The following PAM variants were observed in gnomAD, a reference collection of about 807,000 sequenced individuals.
PAM encodes peptidyl-glycine alpha-amidating monooxygenase.
PAM carries 72 observed loss-of-function variants against 122.1 expected under a neutral mutation model. That is an observed-to-expected ratio of 0.59 (90% CI 0.49 to 0.72). The LOEUF is 0.72. Among genes scored for constraint, PAM ranks in the 30% least tolerant of loss-of-function variants. The pLI, the probability that PAM is intolerant of heterozygous loss-of-function variation, is 0.00. For missense variants in PAM, 1,106 were observed against 1,183.7 expected (o/e 0.93, Z 0.96); for synonymous variants, 389 against 404.4 (o/e 0.96, Z 0.46).
chr5:102,992,694 G>A (rs1390427604), intron 16 of PAM, among the ~76,000 whole-genome samples: 1 of 151,982 alleles, frequency 6.6e-6, no homozygotes, highest in Non-Finnish European at 1.5e-5. Context: ...TACAGGTGAG[G>A]GACAATACAA....
At chr5:103,010,577 C>A (rs1177779254) in intron 21 of PAM, among the ~76,000 whole-genome samples, 1 of 152,056 alleles carries the variant, frequency 6.6e-6, no homozygotes, top group African/African-American at 2.4e-5. Flanking sequence ...ATTCAGCCTG[C>A]TAAAATGCTA....
rs754559996 is a variant in PAM, at chr5:102,942,736, A to AT, written c.527-4086dup. On this transcript the variant is annotated intron_variant, in intron 7 of 25. Transcript: ENST00000438793. ...AGTCACACGCCAGCATGCCCGGCTA[A>AT]TTTTTTTTTTTTTTTGTAGAAATGC... 4.5e-3 allele frequency among the ~76,000 whole-genome samples: 624 copies of AT among 138,422 alleles called. 5 individuals are homozygous for AT. Among genetic ancestry groups the AT allele is most frequent in the Admixed American group, 6.9e-3 (96 of 13,826 alleles). 90.8% of individuals were successfully genotyped at this position (138,422 alleles called of 152,430 possible).
intron 1 of PAM, among the ~76,000 whole-genome samples, chr5:102,782,968 C>T (rs1255419995): frequency 6.6e-6 from 1 of 151,762 alleles, no homozygotes; most frequent in Non-Finnish European, 1.5e-5. Context: ...GGCAGTACCA[C>T]TTTTACACTT....
intron 3 of PAM, among the ~76,000 whole-genome samples, chr5:102,899,520 C>A (rs918074048): frequency 6.6e-6 from 1 of 151,586 alleles, no homozygotes; most frequent in Non-Finnish European, 1.5e-5. Context: ...ACCTTTTGAT[C>A]CTTTTTCATT....
chr5:102,796,688 A>G (rs536302948), intron 1 of PAM, among the ~76,000 whole-genome samples: 230 of 152,298 alleles, frequency 1.5e-3, no homozygotes, highest in Non-Finnish European at 2.5e-3. Flanking sequence ...CATCACATTC[A>G]GAAGCTCACA....
chr5:102,911,300 T>A (rs575437192), intron 4 of PAM, among the ~76,000 whole-genome samples: 1 of 152,038 alleles, frequency 6.6e-6, no homozygotes, highest in South Asian at 2.1e-4. Flanking sequence ...TTAAATTAGA[T>A]CTGGAGTTTC....
intron 7 of PAM, among the ~76,000 whole-genome samples, chr5:102,933,721 A>G (rs868066403): frequency 6.6e-6 from 1 of 152,330 alleles, no homozygotes; most frequent in South Asian, 2.1e-4. Context: ...TTAGAAGACT[A>G]CTGCCAGGAA....
chr5:103,015,427 T>C (rs78728651), intron 21 of PAM, among the ~76,000 whole-genome samples: 2 of 152,138 alleles, frequency 1.3e-5, no homozygotes, highest in African/African-American at 4.8e-5. Flanking sequence ...GCTTCTGTCA[T>C]GTTGATTTTA....
intron 1 of PAM, among the ~76,000 whole-genome samples, chr5:102,828,141 C>T (rs1429306482): frequency 2.0e-5 from 3 of 151,898 alleles, no homozygotes; most frequent in East Asian, 1.9e-4. Context: ...GAGTTCAAGA[C>T]GAGCCTGGGC....
intron 22 of PAM, among the ~76,000 whole-genome samples, chr5:103,019,489 G>A (rs1396372833): frequency 6.6e-6 from 1 of 152,094 alleles, no homozygotes; most frequent in East Asian, 1.9e-4. Context: ...CTAAGATATT[G>A]TCCACATGAA....
chr5:102,804,784 A>C (rs1188263741), intron 1 of PAM, among the ~76,000 whole-genome samples: 1 of 152,172 alleles, frequency 6.6e-6, no homozygotes, highest in Non-Finnish European at 1.5e-5. Context: ...AACCAGAAGA[A>C]TGGCCGCTGT....
chr5:102,755,303 C>T (rs1247727166), upstream of PAM: 1 of 152,120 alleles, frequency 6.6e-6, no homozygotes, highest in Non-Finnish European at 1.5e-5. Context: ...GCTCCGCCGC[C>T]CGCAGGCTCC....
chr5:102,833,963 A>T (rs1776191571), intron 1 of PAM, among the ~76,000 whole-genome samples: 1 of 152,150 alleles, frequency 6.6e-6, no homozygotes, highest in African/African-American at 2.4e-5. Flanking sequence ...TCTCCTCTAT[A>T]TTGATTTCAT....
chr5:102,791,699 A>T (rs867482009), intron 1 of PAM, among the ~76,000 whole-genome samples: 1 of 152,098 alleles, frequency 6.6e-6, no homozygotes, highest in Admixed American at 6.6e-5. Context: ...AGCTAACTTT[A>T]TTTGGGGTTT....
chr5:102,947,939 G>A (rs1195942294), intron 8 of PAM, among the ~76,000 whole-genome samples: 1 of 152,154 alleles, frequency 6.6e-6, no homozygotes, highest in Non-Finnish European at 1.5e-5. Flanking sequence ...GGTTGATGTT[G>A]CATTCTTGAG....
chr5:103,017,231 T>C (rs1451777145), intron 21 of PAM, 103 bp from the exon 22 acceptor site: 5 of 761,218 alleles, frequency 6.6e-6, no homozygotes, highest in Admixed American at 2.1e-5. Flanking sequence ...TTGAGTAATA[T>C]GTTTTGTTGT....
At chr5:102,960,453 C>T (rs967048176) in intron 13 of PAM, among the ~76,000 whole-genome samples, 5 of 151,988 alleles carry the variant, frequency 3.3e-5, no homozygotes, top group African/African-American at 9.7e-5. Flanking sequence ...AAATGGTTAT[C>T]ATCTCCAGCC....
At position 103,025,337 on chromosome 5, in the gene PAM, A is replaced by C. The variant is rs751983872; in HGVS notation, c.2689+3A>C. On this transcript the variant is annotated splice_donor_region_variant and intron_variant, in intron 24 of 25. Transcript: ENST00000438793. ...GAAAAAATCAAGGGCCTTTGGAGGC[A>C]AGTAAAATGAGCCCCGTGAACTTGG... The C allele has an allele frequency of 6.2e-7, 1 of 1,611,794 alleles. No homozygotes were observed.
chr5:102,814,596 G>A (rs1204098382), intron 1 of PAM, among the ~76,000 whole-genome samples: 3 of 145,602 alleles, frequency 2.1e-5, no homozygotes, highest in African/African-American at 7.5e-5. Flanking sequence ...CATATATATT[G>A]ATATATACAT....
Sources: allele counts gnomAD v4.1 joint callset (sites outside exome capture counted in the v4.1 genomes callset), GRCh38; gene constraint gnomAD v4.1.1; transcripts MANE v1.5; gene names NCBI Gene and HGNC (gene_info 2026-07-23, HGNC 2026-07-21).